Variants in TXLNB observed in about 807,000 individuals in gnomAD.
TXLNB encodes the protein taxilin beta, also known as beta-taxilin.
In TXLNB, 37 loss-of-function variants were observed where a neutral mutation model predicts 57.4. The ratio of observed to expected loss-of-function variants is 0.64; its 90% confidence interval spans 0.50 to 0.85. The LOEUF (loss-of-function observed/expected upper bound fraction) is 0.85, where lower values mean the gene tolerates loss of function less well. TXLNB is among the 40% of genes least tolerant of loss of function. The probability of loss-of-function intolerance (pLI) is 0.00; values close to 1 mark genes in which losing one functional copy is unlikely to be tolerated. For synonymous variants in TXLNB, 302 were observed against 309.6 expected (o/e 0.98, Z 0.26); for missense variants, 848 against 825.6 (o/e 1.03, Z -0.33).
At chr6:139,208,262 A>G in the TXLNB span, among the ~76,000 whole-genome samples, 1 of 152,190 alleles carries the variant, frequency 6.6e-6, no homozygotes, top group Non-Finnish European at 1.5e-5. Context: ...TGGAAACTCT[A>G]AACAGACCAA....
the TXLNB span, among the ~76,000 whole-genome samples, chr6:139,223,946 G>A: frequency 6.7e-6 from 1 of 150,172 alleles, no homozygotes; most frequent in African/African-American, 2.5e-5. Context: ...CCATTACTGG[G>A]TATCTACCCA....
chr6:139,237,177 G>A (rs1407406835), downstream of TXLNB, among the ~76,000 whole-genome samples: 3 of 152,060 alleles, frequency 2.0e-5, no homozygotes, highest in African/African-American at 7.2e-5. Context: ...ATAGCTTATA[G>A]ATTTGAACTC....
the TXLNB span, among the ~76,000 whole-genome samples, chr6:139,226,748 G>T: frequency 1.3e-5 from 2 of 152,126 alleles, no homozygotes; most frequent in African/African-American, 4.8e-5. Context: ...TACAATGAGG[G>T]TCAGGTGCAT....
chr6:139,293,703 TTC>T (rs924528699), upstream of TXLNB, among the ~76,000 whole-genome samples: 16 of 152,036 alleles, frequency 1.1e-4, no homozygotes, highest in African/African-American at 3.9e-4. Flanking sequence ...GTCCTACTTA[TTC>T]TCTGAGTTTA....
intron 6 of TXLNB, among the ~76,000 whole-genome samples, chr6:139,256,975 T>A (rs556596633): frequency 1.3e-5 from 2 of 152,272 alleles, no homozygotes; most frequent in South Asian, 4.1e-4. Context: ...ATGGGTTAAA[T>A]TGGAAAGGGG....
intron 7 of TXLNB, chr6:139,255,320 T>C: frequency 1.9e-6 from 1 of 533,728 alleles, no homozygotes; most frequent in Non-Finnish European, 3.6e-6. Context: ...CTGTCATCCA[T>C]TGTCTGTCAA....
intron 8 of TXLNB, among the ~76,000 whole-genome samples, chr6:139,247,245 G>T (rs1184347015): frequency 6.6e-6 from 1 of 151,978 alleles, no homozygotes. Flanking sequence ...AGGTTCAAGC[G>T]ATTCTCCTGC....
intron 1 of TXLNB, 144 bp downstream of exon 1, chr6:139,291,777 C>G (rs1305601908): frequency 6.6e-6 from 1 of 152,190 alleles, no homozygotes; most frequent in Non-Finnish European, 1.5e-5. Context: ...ACATCCCTCC[C>G]TAAGCAACAC....
the TXLNB span, among the ~76,000 whole-genome samples, chr6:139,311,044 T>G: frequency 2.0e-5 from 3 of 152,224 alleles, no homozygotes; most frequent in Non-Finnish European, 4.4e-5. Flanking sequence ...GTATAAGTAC[T>G]AAGATATAAT....
At chr6:139,174,588 T>TC in the TXLNB span, 1 of 1,583,900 alleles carries the variant, frequency 6.3e-7, no homozygotes. Flanking sequence ...TAGGCTTCTG[T>TC]CCCCAAGTGA....
At chr6:139,164,633 A>T in the TXLNB span, among the ~76,000 whole-genome samples, 1 of 152,302 alleles carries the variant, frequency 6.6e-6, no homozygotes, top group East Asian at 1.9e-4. Context: ...ACTGCATGGT[A>T]TAAAATCCTA....
chr6:139,323,608 A>T, the TXLNB span, among the ~76,000 whole-genome samples: 1 of 152,228 alleles, frequency 6.6e-6, no homozygotes, highest in African/African-American at 2.4e-5. Flanking sequence ...ATTTACTTAT[A>T]TAATAATAAA....
chr6:139,180,055 A>ATATAATGGG, the TXLNB span: 1 of 152,152 alleles, frequency 6.6e-6, no homozygotes, highest in Non-Finnish European at 1.5e-5. Flanking sequence ...GAAGCAGTTG[A>ATATAATGGG]TATAATGGGT....
At chr6:139,258,912 T>C (rs915441156) in intron 6 of TXLNB, among the ~76,000 whole-genome samples, 2 of 152,218 alleles carry the variant, frequency 1.3e-5, no homozygotes, top group African/African-American at 4.8e-5. Context: ...TTCTCTCATC[T>C]GTAGAATGAC....
chr6:139,244,088 A>C (rs370628448), intron 9 of TXLNB, among the ~76,000 whole-genome samples: 1 of 152,128 alleles, frequency 6.6e-6, no homozygotes, highest in East Asian at 1.9e-4. Flanking sequence ...CTCAAAACCT[A>C]CTTGGAGCCT....
At chr6:139,279,473 A>G (rs746010627) in intron 2 of TXLNB, among the ~76,000 whole-genome samples, 15 of 152,204 alleles carry the variant, frequency 9.9e-5, no homozygotes, top group Non-Finnish European at 2.9e-5. Context: ...AAAAGCACTA[A>G]AACTGGAGAT....
chr6:139,245,194 C>T (rs1298277735), intron 8 of TXLNB, among the ~76,000 whole-genome samples: 2 of 152,146 alleles, frequency 1.3e-5, no homozygotes, highest in African/African-American at 4.8e-5. Flanking sequence ...TGATTACATG[C>T]ATTATTTGTT....
At chr6:139,176,905 A>G in the TXLNB span, 1 of 849,330 alleles carries the variant, frequency 1.2e-6, no homozygotes, top group South Asian at 1.3e-5. This position sits in a 1 kb window ranked among gnomAD's most constrained non-coding sequence, Gnocchi z 4.5. Flanking sequence ...TGGGAAGTGG[A>G]GGGGTGTTGT....
At chr6:139,193,055 C>A in the TXLNB span, among the ~76,000 whole-genome samples, 1 of 151,744 alleles carries the variant, frequency 6.6e-6, no homozygotes, top group Non-Finnish European at 1.5e-5. Context: ...GTGGTCATTT[C>A]TCAGTCCTCA....
Sources: gnomAD v4.1 joint callset for allele counts (sites outside exome capture counted in the v4.1 genomes callset) on GRCh38, gnomAD v4.1.1 for gene constraint, Gnocchi (gnomAD v3.1) non-coding constraint, MANE v1.5 for transcripts, NCBI Gene and HGNC (gene_info 2026-07-23, HGNC 2026-07-21) for gene names.